Variants in ERBB4 observed in about 807,000 individuals in gnomAD.
ERBB4 encodes the protein erb-b2 receptor tyrosine kinase 4, also known as receptor tyrosine-protein kinase erbB-4.
In ERBB4, 42 loss-of-function variants were observed where a neutral mutation model predicts 158.0. The observed-to-expected ratio is 0.27, with a 90% CI of 0.21 to 0.34. ERBB4 has a LOEUF of 0.34. Among genes scored for constraint, ERBB4 ranks in the 10% least tolerant of loss-of-function variants. The pLI, the probability that ERBB4 is intolerant of heterozygous loss-of-function variation, is 1.00. For synonymous variants in ERBB4, 583 were observed against 558.7 expected (o/e 1.04, Z -0.61); for missense variants, 1,333 against 1,624.1 (o/e 0.82, Z 3.08).
intron 3 of ERBB4, among the ~76,000 whole-genome samples, chr2:211,944,701 A>G (rs2080628694): frequency 6.6e-6 from 1 of 151,814 alleles, no homozygotes; most frequent in African/African-American, 2.4e-5. Context: ...CATTAATTAG[A>G]GTAGATCTTC....
chr2:211,626,268 A>T (rs756968202), intron 17 of ERBB4, among the ~76,000 whole-genome samples: 2 of 152,218 alleles, frequency 1.3e-5, no homozygotes, highest in Non-Finnish European at 2.9e-5. Context: ...CTACCAAAGC[A>T]TCAAGCTTAC....
chr2:212,460,657 T>C (rs1688526259), intron 1 of ERBB4, among the ~76,000 whole-genome samples: 1 of 152,130 alleles, frequency 6.6e-6, no homozygotes, highest in Admixed American at 6.5e-5. Flanking sequence ...CTTCGAGAAG[T>C]GACTTAGATG....
chr2:211,496,946 T>A (rs2065483911), intron 20 of ERBB4, among the ~76,000 whole-genome samples: 1 of 152,076 alleles, frequency 6.6e-6, no homozygotes, highest in African/African-American at 2.4e-5. Flanking sequence ...TACTCTTTTT[T>A]CCTATATGTT....
chr2:211,735,043 G>GAAC (rs2106164071), intron 5 of ERBB4, among the ~76,000 whole-genome samples: 1 of 151,746 alleles, frequency 6.6e-6, no homozygotes, highest in South Asian at 2.1e-4. Flanking sequence ...AAAACACACA[G>GAAC]AACAAAATCC....
chr2:212,409,754 C>T (rs183720317), intron 1 of ERBB4, among the ~76,000 whole-genome samples: 1 of 152,204 alleles, frequency 6.6e-6, no homozygotes, highest in Admixed American at 6.5e-5. Flanking sequence ...GAGTCACATT[C>T]ATCAGTCTCC....
chr2:212,392,117 T>A (rs1360565380), intron 1 of ERBB4, among the ~76,000 whole-genome samples: 1 of 151,662 alleles, frequency 6.6e-6, no homozygotes, highest in Non-Finnish European at 1.5e-5. Flanking sequence ...AGAGGGTCTG[T>A]AAAACATACA....
Position 211,383,871 on chromosome 2 carries a change from T to TTCTTCA in ERBB4, c.3665_3670dup (p.Lys1223_Asn1224insMetLys), listed in dbSNP as rs758342347. Reference sequence around the variant, plus strand: ...CTTCTCTGGCATTGACAGTATGTTGTTCTTCAGGTACTCAGCTTTTCCCAA... The same window carrying TTCTTCA: ...CTTCTCTGGCATTGACAGTATGTTGTTCTTCATCTTCAGGTACTCAGCTTTTCCCAA... On this transcript the variant is annotated inframe_insertion, in exon 28 of 28. Transcript: ENST00000342788. 6.2e-7 allele frequency: 1 copy of TTCTTCA among 1,614,156 alleles called. No homozygotes were observed. The highest frequency in any genetic ancestry group is 2.2e-5 in the East Asian group (1 of 44,864).
intron 2 of ERBB4, among the ~76,000 whole-genome samples, chr2:211,965,866 C>T (rs922661590): frequency 2.6e-5 from 4 of 152,096 alleles, no homozygotes; most frequent in African/African-American, 9.7e-5. Context: ...GAGGAAAGGG[C>T]AAAGCATATT....
chr2:212,259,385 C>A (rs774425125), intron 1 of ERBB4, among the ~76,000 whole-genome samples: 2 of 152,140 alleles, frequency 1.3e-5, no homozygotes, highest in Non-Finnish European at 2.9e-5. Context: ...GCCCATTAAA[C>A]GCTCTGACCC....
At chr2:211,810,335 G>C (rs1269913303) in intron 3 of ERBB4, among the ~76,000 whole-genome samples, 2 of 152,138 alleles carry the variant, frequency 1.3e-5, no homozygotes, top group East Asian at 3.9e-4. Context: ...AAGTCTCTTT[G>C]TAGGCCTCTA....
At chr2:211,508,877 C>A (rs548293259) in intron 20 of ERBB4, among the ~76,000 whole-genome samples, 3 of 151,968 alleles carry the variant, frequency 2.0e-5, no homozygotes, top group Non-Finnish European at 4.4e-5. Flanking sequence ...TTGCAGTGAG[C>A]TGAGATCGTG....
intron 1 of ERBB4, among the ~76,000 whole-genome samples, chr2:212,279,187 C>T (rs1013057721): frequency 2.0e-5 from 3 of 151,336 alleles, no homozygotes; most frequent in Non-Finnish European, 4.4e-5. Flanking sequence ...ACACTGTCTC[C>T]ATTTGAACTG....
At chr2:211,754,704 A>G (rs1157426631) in intron 4 of ERBB4, among the ~76,000 whole-genome samples, 1 of 135,644 alleles carries the variant, frequency 7.4e-6, no homozygotes, top group Non-Finnish European at 1.6e-5. Context: ...ACTGTGCCCG[A>G]GCTTTTTTTT....
chr2:212,244,808 T>C (rs980417475), intron 1 of ERBB4, among the ~76,000 whole-genome samples: 8 of 152,168 alleles, frequency 5.3e-5, no homozygotes, highest in South Asian at 4.1e-4. Flanking sequence ...TTTCTAAATA[T>C]GTGCCTTGTT....
chr2:211,519,345 T>C (rs1383264755), intron 20 of ERBB4, among the ~76,000 whole-genome samples: 1 of 152,158 alleles, frequency 6.6e-6, no homozygotes, highest in African/African-American at 2.4e-5. Flanking sequence ...AAATTTCTCT[T>C]TTCTGTTTAA....
intron 12 of ERBB4, among the ~76,000 whole-genome samples, chr2:211,687,493 AGTTT>A (rs71054130): frequency 8.6e-5 from 13 of 151,386 alleles, no homozygotes; most frequent in Admixed American, 2.6e-4. Flanking sequence ...GCTTGACTGA[AGTTT>A]GTTTGTTTGT....
At chr2:211,993,340 C>A (rs536217959) in intron 2 of ERBB4, among the ~76,000 whole-genome samples, 1 of 152,260 alleles carries the variant, frequency 6.6e-6, no homozygotes, top group African/African-American at 2.4e-5. Context: ...CATCTGCCAG[C>A]CAAGGAGAGA....
At chr2:212,258,381 G>T (rs1318691187) in intron 1 of ERBB4, among the ~76,000 whole-genome samples, 2 of 151,556 alleles carry the variant, frequency 1.3e-5, no homozygotes, top group East Asian at 3.9e-4. Flanking sequence ...CTGTATCATA[G>T]AATTTTAACA....
At chr2:212,223,349 T>TAA (rs1491069279) in intron 1 of ERBB4, among the ~76,000 whole-genome samples, 1 of 139,212 alleles carries the variant, frequency 7.2e-6, no homozygotes, top group Middle Eastern at 3.6e-3. Context: ...TATATATATA[T>TAA]AAAATTGTCT....
Sources: gnomAD v4.1 joint callset for allele counts (sites outside exome capture counted in the v4.1 genomes callset) on GRCh38, gnomAD v4.1.1 for gene constraint, MANE v1.5 for transcripts, NCBI Gene and HGNC (gene_info 2026-07-23, HGNC 2026-07-21) for gene names.